Variants in CDH13 observed in about 807,000 individuals in gnomAD.
CDH13 encodes the protein cadherin 13.
A neutral mutation model predicts 63.8 loss-of-function variants in CDH13; 24 were observed. The observed-to-expected ratio is 0.38, with a 90% confidence interval of 0.27 to 0.53. The LOEUF is 0.53. Ranked by LOEUF, CDH13 falls within the 20% of genes least tolerant of loss-of-function variation. CDH13 has a pLI of 0.85. For synonymous variants in CDH13, 503 were observed against 355.3 expected (o/e 1.42, Z -4.67); for missense variants, 1,049 against 903.1 (o/e 1.16, Z -2.07).
At chr16:83,027,821 A>G (rs1915958345) in intron 2 of CDH13, among the ~76,000 whole-genome samples, 1 of 152,146 alleles carries the variant, frequency 6.6e-6, no homozygotes, top group African/African-American at 2.4e-5. Flanking sequence ...ATGCCGCAGG[A>G]CTTTGCATAT....
intron 4 of CDH13, among the ~76,000 whole-genome samples, chr16:83,206,186 TC>T (rs2039176257): frequency 6.6e-6 from 1 of 152,172 alleles, no homozygotes; most frequent in Non-Finnish European, 1.5e-5. Context: ...TCTGTCTGCT[TC>T]TTAATATCAC....
chr16:83,620,721 T>C (rs560484101), intron 8 of CDH13, among the ~76,000 whole-genome samples: 1 of 152,308 alleles, frequency 6.6e-6, no homozygotes, highest in South Asian at 2.1e-4. Context: ...TGAGGTTAAG[T>C]GGCACCGATT....
intron 1 of CDH13, among the ~76,000 whole-genome samples, chr16:82,828,797 G>A (rs1230667512): frequency 6.6e-6 from 1 of 151,894 alleles, no homozygotes; most frequent in East Asian, 1.9e-4. Flanking sequence ...TATTATATAA[G>A]TAATCTAGAA....
intron 1 of CDH13, among the ~76,000 whole-genome samples, chr16:82,834,423 G>C (rs1275224732): frequency 6.6e-6 from 1 of 152,106 alleles, no homozygotes; most frequent in Non-Finnish European, 1.5e-5. Flanking sequence ...AAGGAGATCA[G>C]GTTTATCTGA....
Position 83,047,148 on chromosome 16 carries a change from G to A in CDH13, c.366+14930G>A, listed in dbSNP as rs773434500. 4.7e-4 allele frequency among the ~76,000 whole-genome samples: 72 copies of A among 152,126 alleles called. No individual in the cohort carries two copies. Among genetic ancestry groups the A allele is most frequent in the African/African-American group, 1.4e-3 (57 of 41,420 alleles). ...AAGCTTTAAACAGTAGTAGTTCTCC[G>A]TGAGACCCAAGGAAAGGTCTGCAGA... On this transcript the variant is annotated intron_variant, in intron 3 of 13. Coordinates refer to ENST00000567109, the MANE Select transcript of CDH13 (RefSeq NM_001257.5). This position sits in a 1 kb window ranked among gnomAD's most constrained non-coding sequence, Gnocchi z 4.9.
At chr16:82,941,646 G>A (rs1597258298) in intron 2 of CDH13, among the ~76,000 whole-genome samples, 1 of 152,126 alleles carries the variant, frequency 6.6e-6, no homozygotes, top group South Asian at 2.1e-4. Context: ...ATTCTTAAAT[G>A]TCCTCCAGGC....
At chr16:83,342,760 T>C (rs2090753268) in intron 5 of CDH13, among the ~76,000 whole-genome samples, 1 of 151,784 alleles carries the variant, frequency 6.6e-6, no homozygotes, top group Non-Finnish European at 1.5e-5. Flanking sequence ...CTTATGATAC[T>C]GGCCAAGTCT....
intron 1 of CDH13, among the ~76,000 whole-genome samples, chr16:82,704,367 G>A (rs1423170595): frequency 1.3e-5 from 2 of 152,202 alleles, no homozygotes; most frequent in Non-Finnish European, 2.9e-5. Flanking sequence ...TCACAGTGCT[G>A]TTCAATTTTA....
rs150034569 is a variant in CDH13 at position 83,647,631 on chromosome 16, A to G, written c.1102-23159A>G. The stretch of plus-strand genomic sequence containing the variant: ...TTCCATTCAGAAATAGCTGTTTTTG[A>G]CAGAGAAGGAAAATTGACAGATTTT... On this transcript the variant is annotated intron_variant, in intron 8 of 13. Coordinates refer to ENST00000567109, the MANE Select transcript of CDH13 (RefSeq NM_001257.5). 2.2e-4 allele frequency among the ~76,000 whole-genome samples: 34 copies of G among 152,324 alleles called. No individual in the cohort carries two copies. The East Asian group carries it at 6.2e-3, about 28-fold the overall frequency.
chr16:82,763,370 A>C (rs987782028), intron 1 of CDH13, among the ~76,000 whole-genome samples: 1 of 152,174 alleles, frequency 6.6e-6, no homozygotes, highest in Non-Finnish European at 1.5e-5. Context: ...CCTCCTCTGG[A>C]ATACATGCTC....
chr16:83,168,350 C>T (rs1442507895), intron 4 of CDH13, among the ~76,000 whole-genome samples: 2 of 152,090 alleles, frequency 1.3e-5, no homozygotes, highest in African/African-American at 2.4e-5. Context: ...CACTCAAACA[C>T]GCATACATGT....
intron 3 of CDH13, among the ~76,000 whole-genome samples, chr16:83,116,268 C>A (rs2035289269): frequency 6.6e-6 from 1 of 152,184 alleles, no homozygotes; most frequent in Non-Finnish European, 1.5e-5. Flanking sequence ...GACCACGCAA[C>A]CGGGGAGGTG....
At chr16:82,986,241 C>T (rs937427002) in intron 2 of CDH13, among the ~76,000 whole-genome samples, 2 of 152,098 alleles carry the variant, frequency 1.3e-5, no homozygotes, top group Non-Finnish European at 2.9e-5. Context: ...CATATTGGTA[C>T]GTCTGAGCCT....
intron 5 of CDH13, among the ~76,000 whole-genome samples, chr16:83,265,727 CTTTTTTTTTTTTTTT>C (rs71272416): frequency 2.3e-4 from 10 of 42,566 alleles, no homozygotes; most frequent in South Asian, 8.6e-4. Context: ...TAAATTTCTG[CTTTTTTTTTTTTTTT>C]TTTTTTTTTT....
intron 2 of CDH13, among the ~76,000 whole-genome samples, chr16:82,977,131 G>A (rs1909627000): frequency 6.6e-6 from 1 of 152,156 alleles, no homozygotes; most frequent in African/African-American, 2.4e-5. Context: ...CACCAATGTG[G>A]CTCCTAAGTT....
At chr16:82,658,155 A>G (rs1442241684) in intron 1 of CDH13, among the ~76,000 whole-genome samples, 2 of 152,164 alleles carry the variant, frequency 1.3e-5, no homozygotes, top group Non-Finnish European at 2.9e-5. Context: ...GCATCTATTG[A>G]TATGTGCATG....
At chr16:83,425,979 A>G (rs1250615993) in intron 6 of CDH13, among the ~76,000 whole-genome samples, 1 of 152,216 alleles carries the variant, frequency 6.6e-6, no homozygotes, top group Non-Finnish European at 1.5e-5. Context: ...AATGAGATAT[A>G]TAGTAAATTA....
chr16:82,844,460 G>C (rs1037786304), intron 1 of CDH13: 1 of 151,068 alleles, frequency 6.6e-6, no homozygotes, highest in African/African-American at 2.4e-5. Flanking sequence ...AATTAGCCGG[G>C]CGTGGTGGCG....
At chr16:82,702,627 C>A (rs1183880254) in intron 1 of CDH13, among the ~76,000 whole-genome samples, 4 of 152,130 alleles carry the variant, frequency 2.6e-5, no homozygotes, top group Non-Finnish European at 5.9e-5. Context: ...ATTATTCTTT[C>A]CCCCACTCAA....
Sources: allele counts gnomAD v4.1 joint callset (sites outside exome capture counted in the v4.1 genomes callset), GRCh38; gene constraint gnomAD v4.1.1; non-coding constraint Gnocchi (gnomAD v3.1); transcripts MANE v1.5; gene names NCBI Gene and HGNC (gene_info 2026-07-23, HGNC 2026-07-21).